The following DOCK9 variants were observed in gnomAD, a reference collection of about 807,000 sequenced individuals.
DOCK9 encodes dedicator of cytokinesis protein 9.
In DOCK9, 89 loss-of-function variants were observed where a neutral mutation model predicts 263.3. The ratio of observed to expected loss-of-function variants is 0.34; its 90% CI spans 0.28 to 0.40. The LOEUF (loss-of-function observed/expected upper bound fraction) is 0.40. DOCK9 is among the 10% of genes least tolerant of loss of function. DOCK9 has a pLI of 1.00. For missense variants in DOCK9, 2,140 were observed against 2,603.4 expected, an observed-to-expected ratio of 0.82 and a Z score of 3.87; for synonymous variants, 976 against 973.1, an observed-to-expected ratio of 1.00 and a Z score of -0.06.
chr13:98,915,085 C>G lies in DOCK9; in HGVS notation c.892+244G>C, dbSNP rs545549774. ...AATACAGTATTTATGGCACTCAAAC[C>G]CAGGTCTCCCTTTCTGCCTCCAAAG... is the stretch of plus-strand genomic sequence containing the variant. On this transcript the variant is annotated intron_variant, in intron 8 of 52. Coordinates refer to ENST00000682017, the MANE Select transcript of DOCK9 (RefSeq NM_001366683.2). 7.9e-5 allele frequency among the ~76,000 whole-genome samples: 12 copies of G among 152,274 alleles called. No homozygotes were observed. The East Asian group carries it at 2.3e-3, about 29-fold the overall frequency.
intron 1 of DOCK9, among the ~76,000 whole-genome samples, chr13:98,988,496 C>T (rs1412472347): frequency 6.6e-6 from 1 of 152,086 alleles, no homozygotes; most frequent in African/African-American, 2.4e-5. Context: ...GTTAAAGAAC[C>T]GGTTCAAGGT....
chr13:98,961,700 T>C (rs1256359846), intron 1 of DOCK9, among the ~76,000 whole-genome samples: 1 of 152,182 alleles, frequency 6.6e-6, no homozygotes, highest in African/African-American at 2.4e-5. Context: ...AGTCTTGTTA[T>C]CTTTGCCACC....
intron 43 of DOCK9, among the ~76,000 whole-genome samples, 195 bp from the exon 44 acceptor site, chr13:98,827,082 T>G (rs1245249874): frequency 6.6e-6 from 1 of 152,236 alleles, no homozygotes; most frequent in African/African-American, 2.4e-5. Context: ...TTGAAATTAA[T>G]TGGGAGTTGA....
intron 1 of DOCK9, among the ~76,000 whole-genome samples, chr13:98,972,463 A>C (rs2059833986): frequency 6.6e-6 from 1 of 152,146 alleles, no homozygotes. Flanking sequence ...GTGACTTGGC[A>C]TGGCAATGAG....
chr13:99,015,220 A>G (rs1885203528), intron 1 of DOCK9, among the ~76,000 whole-genome samples: 1 of 152,220 alleles, frequency 6.6e-6, no homozygotes, highest in Non-Finnish European at 1.5e-5. Context: ...CTTTAATAAA[A>G]TATCTTATTC....
chr13:98,815,218 G>A (rs534815600), intron 45 of DOCK9, among the ~76,000 whole-genome samples: 1 of 152,132 alleles, frequency 6.6e-6, no homozygotes, highest in Admixed American at 6.5e-5. Flanking sequence ...CAAATACACT[G>A]CCAGTGTGTA....
chr13:98,845,192 A>G (rs2093352152), intron 38 of DOCK9: 2 of 480,568 alleles, frequency 4.2e-6, no homozygotes, highest in Non-Finnish European at 7.2e-6. Flanking sequence ...AATTAAAAAT[A>G]TGCTCCCCTG....
chr13:98,810,828 A>G (rs1488164339), intron 45 of DOCK9, among the ~76,000 whole-genome samples: 4 of 152,206 alleles, frequency 2.6e-5, no homozygotes, highest in Admixed American at 6.5e-5. Flanking sequence ...ACTTTGGAGG[A>G]AGTTAACACT....
chr13:99,057,203 T>A (rs2040965765), intron 1 of DOCK9, among the ~76,000 whole-genome samples: 1 of 152,160 alleles, frequency 6.6e-6, no homozygotes, highest in African/African-American at 2.4e-5. Context: ...TATATCCCTT[T>A]TTTCCTTTAA....
chr13:98,958,135 T>C (rs937108155), intron 1 of DOCK9, among the ~76,000 whole-genome samples: 30 of 152,176 alleles, frequency 2.0e-4, no homozygotes, highest in African/African-American at 6.8e-4. Flanking sequence ...GGTTTGGGGA[T>C]TTTTTGGGCT....
intron 2 of DOCK9, among the ~76,000 whole-genome samples, chr13:98,934,791 T>C (rs1273372387): frequency 6.6e-6 from 1 of 152,226 alleles, no homozygotes; most frequent in African/African-American, 2.4e-5. Flanking sequence ...TAGTTTGTAG[T>C]GTCTTAGGAA....
rs146590333 is a variant in DOCK9, at chr13:98,929,533, A to G, written c.333+635T>C. Among the ~76,000 whole-genome samples, 1,009 of 152,344 alleles carry G rather than the reference A, an allele frequency of 6.6e-3. 6 individuals carry two copies. Among genetic ancestry groups the G allele is most frequent in the Non-Finnish European group, 0.01 (685 of 68,036 alleles). Reference sequence around the variant, plus strand: ...GCACTCTAGCTTAGACAACAGAGCAAGACTCTGTCTCAAAAAATAAAAATA... The same window carrying G: ...GCACTCTAGCTTAGACAACAGAGCAGGACTCTGTCTCAAAAAATAAAAATA... On this transcript the variant is annotated intron_variant, in intron 3 of 52. Coordinates refer to ENST00000682017, the MANE Select transcript of DOCK9 (RefSeq NM_001366683.2).
At chr13:98,879,820 G>A in intron 27 of DOCK9, 78 bp downstream of exon 27, 1 of 1,236,458 alleles carries the variant, frequency 8.1e-7, no homozygotes, top group Non-Finnish European at 1.1e-6. Flanking sequence ...GAGAAAGCAT[G>A]AAGAAACGTT....
intron 13 of DOCK9, among the ~76,000 whole-genome samples, chr13:98,898,981 G>A (rs2047846189): frequency 6.6e-6 from 1 of 151,574 alleles, no homozygotes; most frequent in African/African-American, 2.4e-5. Context: ...TCTGTACTGT[G>A]ATAGTGCTTT....
chr13:98,902,026 G>A (rs757885548), intron 12 of DOCK9, 126 bp from the exon 13 acceptor site: 3 of 1,214,686 alleles, frequency 2.5e-6, no homozygotes, highest in South Asian at 1.6e-5. Flanking sequence ...TGCCAAACTA[G>A]TTAGCTGACA....
Position 98,868,098 on chromosome 13 carries a change from T to G in DOCK9, c.3091-87A>C, listed in dbSNP as rs558976465. The G allele has an allele frequency of 5.6e-4, 861 of 1,532,274 alleles. 17 individuals are homozygous for G. The South Asian group carries it at 9.5e-3, about 17-fold the overall frequency. 94.9% of individuals were successfully genotyped at this position (1,532,274 alleles called of 1,614,324 possible). ...AAAGCAGCATTTATTGCTAATAAGT[T>G]TATCCACTGACATAAAAAACATGCC... On this transcript the variant is annotated intron_variant, in intron 28 of 52. Transcript: ENST00000682017.
intron 1 of DOCK9, among the ~76,000 whole-genome samples, chr13:99,035,786 T>C (rs752470422): frequency 7.9e-5 from 12 of 152,252 alleles, no homozygotes; most frequent in Non-Finnish European, 1.8e-4. Flanking sequence ...AGTACCCAGA[T>C]ATTTGGTCAA....
At chr13:98,963,503 G>A (rs1488591396) in intron 1 of DOCK9, among the ~76,000 whole-genome samples, 1 of 152,186 alleles carries the variant, frequency 6.6e-6, no homozygotes, top group African/African-American at 2.4e-5. Context: ...TGCCTCGGAT[G>A]TGATAGCTTC....
Position 98,881,932 on chromosome 13 carries a change from T to C in DOCK9, c.2635A>G (p.Thr879Ala). ...TILNQLFRVL[T>A]RATQEEVAVN... ...GCGACTTCTTCCTGTGTGGCTCTGGTGAGGACTCGGAACAGCTGGTTTAGG... is the reference window on the plus strand; with the variant it reads ...GCGACTTCTTCCTGTGTGGCTCTGGCGAGGACTCGGAACAGCTGGTTTAGG... Residue 879 changes from threonine (T) to alanine (A), a missense_variant, in exon 24 of 53, where the codon ACC becomes GCC. Thr to Ala is a moderately conservative substitution (Grantham distance 58). This residue lies in a region of DOCK9 where 1,521 missense variants were observed against 1,741.7 expected (regional missense o/e 0.87). Coordinates refer to ENST00000682017, the MANE Select transcript of DOCK9 (RefSeq NM_001366683.2). 1 of 1,597,066 alleles carries C rather than the reference T, an allele frequency of 6.3e-7. No individual in the cohort carries two copies. The highest frequency in any genetic ancestry group is 8.5e-7 in the Non-Finnish European group (1 of 1,171,872).
Sources: gnomAD v4.1 joint callset for allele counts (sites outside exome capture counted in the v4.1 genomes callset) on GRCh38, gnomAD v4.1.1 for gene constraint, gnomAD v4.1.1 regional missense constraint, MANE v1.5 for transcripts, NCBI Gene and HGNC (gene_info 2026-07-23, HGNC 2026-07-21) for gene names.